The following SNTG2 variants were observed in gnomAD, a reference collection of about 807,000 sequenced individuals.
SNTG2 encodes gamma-2-syntrophin.
Under a neutral mutation model 70.9 loss-of-function variants are expected in SNTG2, and 74 were observed. That is an observed-to-expected ratio of 1.04 (90% CI 0.86 to 1.27). The LOEUF (loss-of-function observed/expected upper bound fraction) is 1.27. Ranked by LOEUF, SNTG2 falls within the 50% of genes most tolerant of loss-of-function variation. The pLI is 0.00. For synonymous variants in SNTG2, 278 were observed against 273.8 expected, an observed-to-expected ratio of 1.02 and a Z score of -0.15; for missense variants, 717 against 690.7, an observed-to-expected ratio of 1.04 and a Z score of -0.43.
chr2:1,138,346 G>C (rs576150629), intron 6 of SNTG2, among the ~76,000 whole-genome samples: 45 of 152,230 alleles, frequency 3.0e-4, no homozygotes, highest in Non-Finnish European at 5.3e-4. Context: ...TTTCCATGGA[G>C]ATGAGCTTTC....
chr2:1,103,390 T>A (rs540739567), intron 4 of SNTG2: 81 of 271,860 alleles, frequency 3.0e-4, no homozygotes, highest in South Asian at 6.3e-4. Context: ...TTTTTTTTTT[T>A]ATTTTTTTTT....
At chr2:1,267,632 T>TG (rs1678817113) in intron 14 of SNTG2, 61 bp downstream of exon 14, 2 of 1,413,980 alleles carry the variant, frequency 1.4e-6, no homozygotes, top group Non-Finnish European at 2.0e-6. Context: ...GACATAGCAT[T>TG]GGGGAATATG....
intron 16 of SNTG2, among the ~76,000 whole-genome samples, chr2:1,358,403 A>T (rs1660967084): frequency 6.8e-6 from 1 of 148,064 alleles, no homozygotes; most frequent in African/African-American, 2.5e-5. Context: ...ACTAACTTTG[A>T]CCTTAGTTTG....
chr2:1,272,434 G>A (rs1441794823), intron 14 of SNTG2, among the ~76,000 whole-genome samples: 2 of 101,848 alleles, frequency 2.0e-5, no homozygotes, highest in Non-Finnish European at 3.7e-5. Flanking sequence ...GTGAGGCCCA[G>A]TTCCTAACAG....
intron 1 of SNTG2, among the ~76,000 whole-genome samples, chr2:959,566 G>C (rs561970510): frequency 1.3e-5 from 2 of 151,954 alleles, no homozygotes; most frequent in South Asian, 4.2e-4. Context: ...GCTGCCTGGG[G>C]GTGTGGTGTT....
chr2:1,307,419 G>A (rs958923090), intron 14 of SNTG2, among the ~76,000 whole-genome samples: 2 of 149,162 alleles, frequency 1.3e-5, no homozygotes, highest in African/African-American at 5.0e-5. Context: ...TGTGTGTGGT[G>A]TGTGTGAGCC....
At position 1,357,263 on chromosome 2, in the gene SNTG2, T is replaced by A. The variant is rs893463505; in HGVS notation, c.1489-10080T>A. ...AAGATTTCAGCCTCTCACCATAGAG[T>A]ATGATGTTAGTCATGGACTTTTGAC... On this transcript the variant is annotated intron_variant, in intron 16 of 16. Coordinates refer to ENST00000308624, the MANE Select transcript of SNTG2 (RefSeq NM_018968.4). Among the ~76,000 whole-genome samples, 5 of 152,224 alleles carry A rather than the reference T, an allele frequency of 3.3e-5. No individual in the cohort carries two copies. The South Asian group carries it at 1.0e-3, about 32-fold the overall frequency.
chr2:1,262,651 A>T (rs78191831), intron 13 of SNTG2, among the ~76,000 whole-genome samples: 99 of 114,180 alleles, frequency 8.7e-4, no homozygotes, highest in Non-Finnish European at 1.3e-3. Context: ...GTCCAGACGT[A>T]GTAACCGGAA....
At chr2:1,287,745 T>C (rs1679824633) in intron 14 of SNTG2, among the ~76,000 whole-genome samples, 1 of 152,198 alleles carries the variant, frequency 6.6e-6, no homozygotes, top group Non-Finnish European at 1.5e-5. Context: ...ACCTGTTGTT[T>C]TCACCCTCTG....
chr2:1,193,939 C>T (rs1370477760), intron 8 of SNTG2, among the ~76,000 whole-genome samples: 1 of 152,222 alleles, frequency 6.6e-6, no homozygotes, highest in Admixed American at 6.5e-5. Context: ...TGGCTGCAGG[C>T]CACAGTGTGG....
At chr2:1,225,233 A>G (rs1309021708) in intron 9 of SNTG2, among the ~76,000 whole-genome samples, 3 of 152,164 alleles carry the variant, frequency 2.0e-5, no homozygotes, top group Non-Finnish European at 2.9e-5. Flanking sequence ...GGCTAAAACC[A>G]CTGCAGCATA....
chr2:1,141,672 G>T (rs1668759046), intron 6 of SNTG2, among the ~76,000 whole-genome samples: 1 of 152,192 alleles, frequency 6.6e-6, no homozygotes, highest in Non-Finnish European at 1.5e-5. Context: ...GTTTTCCAAA[G>T]GAAAAGCCAT....
chr2:1,252,207 TG>T (rs1677812907), intron 12 of SNTG2, among the ~76,000 whole-genome samples: 1 of 152,246 alleles, frequency 6.6e-6, no homozygotes, highest in African/African-American at 2.4e-5. Flanking sequence ...ACTTTTTCAG[TG>T]GTAATCAATA....
intron 8 of SNTG2, among the ~76,000 whole-genome samples, chr2:1,184,084 C>A (rs113233727): frequency 0.016 from 2,362 of 152,192 alleles, 66 homozygotes; most frequent in African/African-American, 0.054. Context: ...TGGGGGCCAC[C>A]CTTGGTCCTA....
chr2:1,005,577 G>T (rs1659537542), intron 1 of SNTG2, among the ~76,000 whole-genome samples: 1 of 151,688 alleles, frequency 6.6e-6, no homozygotes, highest in Non-Finnish European at 1.5e-5. Context: ...GCTGAGGCGG[G>T]TGGATCGCCT....
At chr2:1,333,576 C>T (rs564020994) in intron 16 of SNTG2, among the ~76,000 whole-genome samples, 23 of 152,222 alleles carry the variant, frequency 1.5e-4, no homozygotes, top group African/African-American at 5.5e-4. Context: ...CAGCATGGTA[C>T]TAGTACAAAA....
intron 2 of SNTG2, among the ~76,000 whole-genome samples, chr2:1,091,053 C>T (rs1664987972): frequency 6.6e-6 from 1 of 152,074 alleles, no homozygotes; most frequent in African/African-American, 2.4e-5. Flanking sequence ...GGGCTGGGGC[C>T]CATCTCCTGC....
At chr2:1,033,573 C>T (rs1433468217) in intron 1 of SNTG2, among the ~76,000 whole-genome samples, 1 of 151,726 alleles carries the variant, frequency 6.6e-6, no homozygotes, top group Non-Finnish European at 1.5e-5. Context: ...CGTTCAGATA[C>T]TTTGCTTAGT....
At chr2:1,279,792 T>G (rs1679440664) in intron 14 of SNTG2, among the ~76,000 whole-genome samples, 1 of 152,196 alleles carries the variant, frequency 6.6e-6, no homozygotes, top group Non-Finnish European at 1.5e-5. Context: ...GGCATTGCAG[T>G]TAACATCCAG....
Sources: gnomAD v4.1 joint callset for allele counts (sites outside exome capture counted in the v4.1 genomes callset) on GRCh38, gnomAD v4.1.1 for gene constraint, MANE v1.5 for transcripts, NCBI Gene and HGNC (gene_info 2026-07-23, HGNC 2026-07-21) for gene names.